PLD5: variants seen among roughly 807,000 people sequenced by gnomAD.
The protein encoded by PLD5 is phospholipase D family member 5.
PLD5 carries 36 observed loss-of-function variants against 61.1 expected under a neutral mutation model. The ratio of observed to expected loss-of-function variants is 0.59; its 90% CI spans 0.45 to 0.78. The LOEUF is 0.78. Among genes scored for constraint, PLD5 ranks in the 30% least tolerant of loss-of-function variants. PLD5 has a pLI of 0.00. For synonymous variants in PLD5, 243 were observed against 242.8 expected (o/e 1.00, Z -0.01); for missense variants, 515 against 644.4 (o/e 0.80, Z 2.17).
At chr1:242,103,168 G>A (rs1341941879) in intron 8 of PLD5, among the ~76,000 whole-genome samples, 2 of 152,110 alleles carry the variant, frequency 1.3e-5, no homozygotes, top group East Asian at 1.9e-4. Flanking sequence ...TAGACCTCAC[G>A]AATAACAGGG....
At chr1:242,485,504 C>T (rs1328748100) in intron 1 of PLD5, among the ~76,000 whole-genome samples, 3 of 152,114 alleles carry the variant, frequency 2.0e-5, no homozygotes, top group African/African-American at 7.2e-5. Flanking sequence ...ATCCAATTTA[C>T]AAGGGATGTG....
chr1:242,326,278 T>A (rs1326870676), intron 2 of PLD5, among the ~76,000 whole-genome samples: 1 of 152,146 alleles, frequency 6.6e-6, no homozygotes, highest in African/African-American at 2.4e-5. Flanking sequence ...AAGTCACAAG[T>A]ATCTGCTAAG....
chr1:242,473,437 T>A (rs1667500238), intron 1 of PLD5, among the ~76,000 whole-genome samples: 1 of 152,126 alleles, frequency 6.6e-6, no homozygotes, highest in Non-Finnish European at 1.5e-5. Context: ...CAATACACAG[T>A]AAGTAGAAAG....
chr1:242,325,140 T>C lies in PLD5; in HGVS notation c.326+22966A>G, dbSNP rs865877258. 1.7e-4 allele frequency among the ~76,000 whole-genome samples: 26 copies of C among 152,164 alleles called. No individual in the cohort carries two copies. The South Asian group carries it at 3.9e-3, about 23-fold the overall frequency. ...CGGGGTGGTTACCAGTGCTGTGAAA[T>C]GTGTACTGAGCATAAGGCTAGAAAA... On this transcript the variant is annotated intron_variant, in intron 2 of 9. Coordinates refer to ENST00000536534, the MANE Select transcript of PLD5 (RefSeq NM_001372062.1).
chr1:242,175,186 G>T (rs914823518), intron 5 of PLD5, among the ~76,000 whole-genome samples: 1 of 152,146 alleles, frequency 6.6e-6, no homozygotes, highest in African/African-American at 2.4e-5. Flanking sequence ...GATGAACATG[G>T]ATGTGAAAAT....
chr1:242,304,568 C>CA (rs966307950), intron 2 of PLD5, among the ~76,000 whole-genome samples: 1 of 152,158 alleles, frequency 6.6e-6, no homozygotes, highest in African/African-American at 2.4e-5. Flanking sequence ...CCAAAAGTAG[C>CA]ACGTAAGCCT....
rs74150871 is a variant in PLD5 at position 242,237,890 on chromosome 1, G to T, written c.608-17775C>A. Among the ~76,000 whole-genome samples, 1,432 of 152,192 alleles carry T rather than the reference G, an allele frequency of 9.4e-3. 21 individuals are homozygous for T. Among genetic ancestry groups the T allele is most frequent in the African/African-American group, 0.033 (1,369 of 41,514 alleles). On this transcript the variant is annotated intron_variant, in intron 4 of 9. Transcript: ENST00000536534. ...TAAGTATATCCCATAAAACATTTGG[G>T]CCACACTTAGACTATAGGCAGACCA...
At chr1:242,428,016 T>G (rs1665525288) in intron 1 of PLD5, among the ~76,000 whole-genome samples, 1 of 152,180 alleles carries the variant, frequency 6.6e-6, no homozygotes, top group South Asian at 2.1e-4. Context: ...GCTTAAGAGC[T>G]AAAATGGTGG....
At chr1:242,404,212 T>G (rs1285910166) in intron 1 of PLD5, among the ~76,000 whole-genome samples, 1 of 152,064 alleles carries the variant, frequency 6.6e-6, no homozygotes, top group Non-Finnish European at 1.5e-5. Flanking sequence ...TATGAAAGAA[T>G]AAAACAGGGG....
intron 1 of PLD5, among the ~76,000 whole-genome samples, chr1:242,439,019 T>C (rs185289086): frequency 6.6e-6 from 1 of 152,324 alleles, no homozygotes; most frequent in East Asian, 1.9e-4. Context: ...CTTTACATGC[T>C]TATTGTTTAG....
intron 3 of PLD5, among the ~76,000 whole-genome samples, chr1:242,278,966 G>C (rs1674564309): frequency 6.6e-6 from 1 of 152,338 alleles, no homozygotes; most frequent in Middle Eastern, 3.4e-3. Flanking sequence ...TGTACCAGGA[G>C]TTCTACTGAT....
rs188876964 is a variant in PLD5 at position 242,197,886 on chromosome 1, G to A, written c.735+22102C>T. Among the ~76,000 whole-genome samples the A allele has an allele frequency of 4.1e-4, 62 of 151,942 alleles. No homozygotes were observed. The East Asian group carries it at 9.1e-3, about 22-fold the overall frequency. The stretch of plus-strand genomic sequence containing the variant: ...TGACCTCATGTGATCTGCCCACCTC[G>A]GTCTCCCAAAGTGCTGGGATTACAG... On this transcript the variant is annotated intron_variant, in intron 5 of 9. Transcript: ENST00000536534.
chr1:242,428,818 C>A (rs1665567532), intron 1 of PLD5, among the ~76,000 whole-genome samples: 1 of 152,058 alleles, frequency 6.6e-6, no homozygotes, highest in South Asian at 2.1e-4. Context: ...GGGAAGAAAT[C>A]ACGATGATAA....
chr1:242,472,612 A>G (rs561403362), intron 1 of PLD5, among the ~76,000 whole-genome samples: 1 of 152,356 alleles, frequency 6.6e-6, no homozygotes, highest in East Asian at 1.9e-4. Flanking sequence ...GATATTCTCA[A>G]TTATGAACTG....
At chr1:242,225,684 C>T (rs1389484123) in intron 4 of PLD5, among the ~76,000 whole-genome samples, 3 of 152,244 alleles carry the variant, frequency 2.0e-5, no homozygotes, top group Non-Finnish European at 4.4e-5. Context: ...GAGACACATT[C>T]GTGCTGTAGT....
chr1:242,464,790 T>C (rs1667224384), intron 1 of PLD5, among the ~76,000 whole-genome samples: 1 of 152,180 alleles, frequency 6.6e-6, no homozygotes, highest in Non-Finnish European at 1.5e-5. Flanking sequence ...CAACATGGTG[T>C]CTATCCATAC....
chr1:242,179,658 T>A (rs2148898021), intron 5 of PLD5, among the ~76,000 whole-genome samples: 1 of 152,206 alleles, frequency 6.6e-6, no homozygotes, highest in Admixed American at 6.5e-5. Context: ...ATCCCAGCAT[T>A]TTGGGAGGCC....
intron 1 of PLD5, among the ~76,000 whole-genome samples, chr1:242,440,997 G>A (rs1297063215): frequency 6.6e-6 from 1 of 152,130 alleles, no homozygotes; most frequent in Non-Finnish European, 1.5e-5. Context: ...AAGGAAAATT[G>A]GAAAAGCATC....
At chr1:242,517,745 G>C (rs1669149620) in intron 1 of PLD5, among the ~76,000 whole-genome samples, 1 of 152,094 alleles carries the variant, frequency 6.6e-6, no homozygotes, top group Admixed American at 6.5e-5. Flanking sequence ...CCCTGCACTG[G>C]TCTTTGTATT....
Sources: gnomAD v4.1 joint callset for allele counts (sites outside exome capture counted in the v4.1 genomes callset) on GRCh38, gnomAD v4.1.1 for gene constraint, MANE v1.5 for transcripts, NCBI Gene and HGNC (gene_info 2026-07-23, HGNC 2026-07-21) for gene names.